Variants in SHB observed in about 807,000 individuals in gnomAD.
The protein encoded by SHB is SH2 domain-containing adapter protein B.
Under a neutral mutation model 52.3 loss-of-function variants are expected in SHB, and 20 were observed. The observed-to-expected ratio is 0.38, with a 90% CI of 0.27 to 0.56. The LOEUF (loss-of-function observed/expected upper bound fraction) is 0.56, where lower values mean the gene tolerates loss of function less well. Ranked by LOEUF, SHB falls within the 20% of genes least tolerant of loss-of-function variation. SHB has a pLI of 0.71. For synonymous variants in SHB, 397 were observed against 316.5 expected, an observed-to-expected ratio of 1.25 and a Z score of -2.70; for missense variants, 825 against 723.3, an observed-to-expected ratio of 1.14 and a Z score of -1.61.
chr9:37,974,475 C>G lies in SHB; in HGVS notation c.1054+147G>C, dbSNP rs978374055. 23 of 680,278 alleles carry G rather than the reference C, an allele frequency of 3.4e-5. No individual in the cohort carries two copies. The African/African-American group carries it at 4.2e-4, about 12-fold the overall frequency. The allele number at this position is 680,278 out of a possible 1,614,324, so 42.1% of individuals were successfully genotyped here. On this transcript the variant is annotated intron_variant, in intron 3 of 5. Transcript: ENST00000377707. Reference sequence around the variant, plus strand: ...CCTCACCTCTCCCTTTCCTCTGCAGCCTACATCTGTGAGGGTACTGAGAAA... The same window carrying G: ...CCTCACCTCTCCCTTTCCTCTGCAGGCTACATCTGTGAGGGTACTGAGAAA...
chr9:38,060,227 T>A (rs1821875571), intron 1 of SHB, among the ~76,000 whole-genome samples: 1 of 152,148 alleles, frequency 6.6e-6, no homozygotes, highest in Non-Finnish European at 1.5e-5. Flanking sequence ...CAGGCTGGAG[T>A]GCAGTGGCCT....
intron 2 of SHB, among the ~76,000 whole-genome samples, chr9:38,009,380 G>A (rs1361612567): frequency 6.6e-6 from 1 of 152,250 alleles, no homozygotes; most frequent in Non-Finnish European, 1.5e-5. Context: ...TGACCGCAGA[G>A]GCGGGTAACC....
intron 4 of SHB, among the ~76,000 whole-genome samples, chr9:37,951,926 GC>G (rs1253546383): frequency 6.6e-6 from 1 of 152,226 alleles, no homozygotes; most frequent in Admixed American, 6.5e-5. Context: ...CAACTGTTGG[GC>G]CCACGTAGGC....
intron 3 of SHB, among the ~76,000 whole-genome samples, chr9:37,957,617 G>C (rs556779021): frequency 1.3e-5 from 2 of 152,178 alleles, no homozygotes; most frequent in Non-Finnish European, 2.9e-5. Flanking sequence ...TAGTCCACCC[G>C]CGATGACACT....
At chr9:37,921,339 C>A (rs1160577317) in intron 5 of SHB, among the ~76,000 whole-genome samples, 1 of 152,190 alleles carries the variant, frequency 6.6e-6, no homozygotes, top group African/African-American at 2.4e-5. Flanking sequence ...CCCACAGGGG[C>A]TCTCAGGGCT....
intron 2 of SHB, among the ~76,000 whole-genome samples, chr9:37,987,189 G>A (rs1820820004): frequency 6.6e-6 from 1 of 152,220 alleles, no homozygotes; most frequent in South Asian, 2.1e-4. Flanking sequence ...GCTCAGACAA[G>A]CTCAGTGGTT....
At chr9:38,013,451 A>G (rs956038807) in intron 2 of SHB, among the ~76,000 whole-genome samples, 1 of 152,160 alleles carries the variant, frequency 6.6e-6, no homozygotes, top group African/African-American at 2.4e-5. Flanking sequence ...AAACTACAAG[A>G]AAATTAGCCT....
chr9:37,931,961 A>G (rs1485655282), intron 5 of SHB, among the ~76,000 whole-genome samples: 2 of 151,730 alleles, frequency 1.3e-5, no homozygotes, highest in Admixed American at 6.6e-5. Context: ...CATTAGGGGC[A>G]GTGAAATAAG....
chr9:37,976,373 A>G (rs1280402283), intron 2 of SHB, among the ~76,000 whole-genome samples: 3 of 152,138 alleles, frequency 2.0e-5, no homozygotes, highest in Non-Finnish European at 4.4e-5. Flanking sequence ...CGTACAGTTC[A>G]GTGGCATTAG....
At chr9:37,936,104 T>C (rs934179123) in intron 5 of SHB, among the ~76,000 whole-genome samples, 19 of 151,070 alleles carry the variant, frequency 1.3e-4, no homozygotes, top group African/African-American at 4.6e-4. Flanking sequence ...TAATCCCAGC[T>C]ACTCTGGAGG....
intron 5 of SHB, among the ~76,000 whole-genome samples, chr9:37,937,428 G>A (rs1316074815): frequency 1.3e-5 from 2 of 151,218 alleles, no homozygotes; most frequent in East Asian, 3.9e-4. Context: ...AATTGTTTCT[G>A]ATATTCCTCT....
chr9:37,993,271 CG>C (rs1820906421), intron 2 of SHB, among the ~76,000 whole-genome samples: 1 of 151,844 alleles, frequency 6.6e-6, no homozygotes, highest in African/African-American at 2.4e-5. Flanking sequence ...TGTGTGTGCG[CG>C]TGTGTGTGTT....
In SHB at chr9:37,929,270, C is replaced by T. The variant is rs12552520; in HGVS notation, c.1347-9266G>A. On this transcript the variant is annotated intron_variant, in intron 5 of 5. Coordinates refer to ENST00000377707, the MANE Select transcript of SHB (RefSeq NM_003028.3). ...AGGTGCCGCCGAGTATGCAGGATGT[C>T]GTTGGAGCCTGGTCACCTGGGTACA... 8.1e-4 allele frequency among the ~76,000 whole-genome samples: 124 copies of T among 152,376 alleles called. 1 individual carries two copies. Among genetic ancestry groups the T allele is most frequent in the Admixed American group, 1.4e-3 (21 of 15,310 alleles).
At chr9:37,950,484 G>T (rs1301880518) in intron 4 of SHB, among the ~76,000 whole-genome samples, 1 of 152,190 alleles carries the variant, frequency 6.6e-6, no homozygotes, top group Non-Finnish European at 1.5e-5. Context: ...AAAGAATAAA[G>T]ATCCTCACTG....
intron 5 of SHB, among the ~76,000 whole-genome samples, chr9:37,947,091 T>G (rs1832501086): frequency 6.6e-6 from 1 of 152,216 alleles, no homozygotes; most frequent in African/African-American, 2.4e-5. Flanking sequence ...AGTTGCAGTT[T>G]AGCATATTGA....
At chr9:37,999,861 G>T (rs997789127) in intron 2 of SHB, among the ~76,000 whole-genome samples, 3 of 152,218 alleles carry the variant, frequency 2.0e-5, no homozygotes, top group African/African-American at 7.2e-5. Flanking sequence ...GGCTGTCGGA[G>T]GAGCTGCAAT....
chr9:37,948,791 G>A (rs765486088), intron 4 of SHB, 37 bp from the exon 5 acceptor site: 101 of 1,611,284 alleles, frequency 6.3e-5, no homozygotes, highest in Non-Finnish European at 7.8e-5. Context: ...AGCCCAGCGC[G>A]ATGGGATTCC....
rs1376811073 is a variant in SHB, at chr9:37,956,039, T to C, written c.1070A>G (p.Asn357Ser). 4 of 1,564,946 alleles carry C rather than the reference T, an allele frequency of 2.6e-6. No individual in the cohort carries two copies. The highest frequency in any genetic ancestry group is 1.9e-5 in the Admixed American group (1 of 51,612). ...IPALAAQFNG[N>S]EKRQSSPSPS... ...TGAGGGGGATGACTGCCGCTTCTCG[T>C]TGCCATTAAACTGTGCTGTGGGGAG... Residue 357 changes from asparagine (N) to serine (S), a missense_variant, in exon 4 of 6, where the codon AAC becomes AGC. Asn to Ser is a conservative substitution (Grantham distance 46, BLOSUM62 1). Transcript: ENST00000377707.
At chr9:37,980,812 C>T (rs1197958816) in intron 2 of SHB, among the ~76,000 whole-genome samples, 2 of 152,210 alleles carry the variant, frequency 1.3e-5, no homozygotes, top group Non-Finnish European at 2.9e-5. Context: ...AAACAACATT[C>T]ATCTCCTCGT....
Sources: allele counts gnomAD v4.1 joint callset (sites outside exome capture counted in the v4.1 genomes callset), GRCh38; gene constraint gnomAD v4.1.1; transcripts MANE v1.5; gene names NCBI Gene and HGNC (gene_info 2026-07-23, HGNC 2026-07-21).